The following ERMP1 variants were observed in gnomAD, a reference collection of about 807,000 sequenced individuals.
ERMP1 encodes Felix-ina.
ERMP1 carries 86 observed loss-of-function variants against 92.0 expected under a neutral mutation model. That is an observed-to-expected ratio of 0.93 (90% CI 0.79 to 1.12). The LOEUF (loss-of-function observed/expected upper bound fraction) is 1.12, where lower values mean the gene tolerates loss of function less well. ERMP1 is among the 50% of genes most tolerant of loss of function. The pLI is 0.00. For synonymous variants in ERMP1, 530 were observed against 412.8 expected (o/e 1.28, Z -3.44); for missense variants, 1,342 against 1,116.3 (o/e 1.20, Z -2.88).
chr9:5,787,397 T>G (rs1163788417), intron 14 of ERMP1, 33 bp downstream of exon 14: 6 of 1,608,422 alleles, frequency 3.7e-6, no homozygotes, highest in Admixed American at 1.7e-5. Flanking sequence ...GGGAACCTAA[T>G]CAATGAAACA....
Position 5,810,195 on chromosome 9 carries a change from CCAAGTCCACA to C in ERMP1, c.1354_1363del (p.Cys452AlafsTer4), listed in dbSNP as rs1829037658. 2 of 1,613,794 alleles carry C rather than the reference CCAAGTCCACA, an allele frequency of 1.2e-6. No homozygotes were observed. The highest frequency in any genetic ancestry group is 1.7e-6 in the Non-Finnish European group (2 of 1,179,970). ...AGTGAACCAGCTGATCAAAGTGATGCCAAGTCCACACAAGAAGTCCTTCTTGTAGTTACCA... is the reference window on the plus strand; with the variant it reads ...AGTGAACCAGCTGATCAAAGTGATGCCAAGAAGTCCTTCTTGTAGTTACCA... On this transcript the variant is annotated frameshift_variant, in exon 8 of 15. Transcript: ENST00000339450. LOFTEE classifies it high-confidence loss of function.
chr9:5,830,842 A>G lies in ERMP1; in HGVS notation c.525T>C (p.Gly175=). 1 of 1,613,044 alleles carries G rather than the reference A, an allele frequency of 6.2e-7. No homozygotes were observed. The highest frequency in any genetic ancestry group is 1.6e-4 in the Middle Eastern group (1 of 6,062). The change falls in exon 2 of 15, where the codon GGT becomes GGC. Residue 175 remains glycine (G), a synonymous_variant. Transcript: ENST00000339450. ...TGATGTTGTCATAATAGCTTGTAAA[A>G]CCTCCCAAGAAATCAATGCTAAAAG... ...TGSFSIDFLG[G]FTSYYDNITN... is the part of the protein sequence containing the mutation.
At position 5,810,198 on chromosome 9, in the gene ERMP1, A is replaced by G. The variant is rs777623107; in HGVS notation, c.1361T>C (p.Leu454Pro). The G allele has an allele frequency of 6.2e-7, 1 of 1,614,018 alleles. No homozygotes were observed. The highest frequency in any genetic ancestry group is 2.2e-5 in the East Asian group (1 of 44,880). Residue 454 changes from leucine (L) to proline (P), a missense_variant, in exon 8 of 15, where the codon CTT (leucine) becomes CCT (proline). Coordinates refer to ENST00000339450, the MANE Select transcript of ERMP1 (RefSeq NM_024896.3). ...GAACCAGCTGATCAAAGTGATGCCAAGTCCACACAAGAAGTCCTTCTTGTA... is the reference window on the plus strand; with the variant it reads ...GAACCAGCTGATCAAAGTGATGCCAGGTCCACACAAGAAGTCCTTCTTGTA... ...GNYKKDFLCG[L>P]GITLISWFTS...
At chr9:5,821,183 G>A (rs1304233835) in intron 4 of ERMP1, among the ~76,000 whole-genome samples, 1 of 152,152 alleles carries the variant, frequency 6.6e-6, no homozygotes, top group Admixed American at 6.5e-5. Context: ...TATTATTAAA[G>A]TGATCATATA....
chr9:5,867,053 G>A (rs1306617859), intron 5 of ERMP1, among the ~76,000 whole-genome samples: 2 of 152,144 alleles, frequency 1.3e-5, no homozygotes, highest in Non-Finnish European at 2.9e-5. Flanking sequence ...AAAATTACCT[G>A]AGCATGCTGG....
intron 4 of ERMP1, among the ~76,000 whole-genome samples, chr9:5,815,797 A>C (rs1829281704): frequency 6.6e-6 from 1 of 152,222 alleles, no homozygotes; most frequent in African/African-American, 2.4e-5. Flanking sequence ...ATGTAGTATC[A>C]TTAATAATGA....
intron 13 of ERMP1, among the ~76,000 whole-genome samples, chr9:5,793,975 AG>A (rs1424756029): frequency 6.6e-6 from 1 of 152,126 alleles, no homozygotes; most frequent in African/African-American, 2.4e-5. Flanking sequence ...CAACAGCAAC[AG>A]TATGCACATT....
chr9:5,830,977 T>C lies in ERMP1; in HGVS notation c.390A>G (p.Pro130=). 1 of 1,614,158 alleles carries C rather than the reference T, an allele frequency of 6.2e-7. No homozygotes were observed. The highest frequency in any genetic ancestry group is 8.5e-7 in the Non-Finnish European group (1 of 1,179,986). ...AGTGCACGGTCAGAATTTCATTTTC[T>C]GGACTTCCTGTAGTCCTGGGGCCAA... ...TSIGPRTTGS[P]ENEILTVHYL... is the part of the protein sequence containing the mutation. The change falls in exon 2 of 15, where the codon CCA becomes CCG. Residue 130 remains proline (P), a synonymous_variant. Coordinates refer to ENST00000339450, the MANE Select transcript of ERMP1 (RefSeq NM_024896.3).
At chr9:5,807,264 G>T (rs866850230) in intron 8 of ERMP1, among the ~76,000 whole-genome samples, 6 of 152,048 alleles carry the variant, frequency 3.9e-5, no homozygotes, top group Admixed American at 2.6e-4. Flanking sequence ...CATTTTAATA[G>T]TGGCCCCATT....
At chr9:5,793,140 G>A (rs1828273876) in intron 13 of ERMP1, among the ~76,000 whole-genome samples, 1 of 152,128 alleles carries the variant, frequency 6.6e-6, no homozygotes, top group Admixed American at 6.5e-5. Flanking sequence ...CAAGAGACTG[G>A]AAGGAGAAAT....
intron 13 of ERMP1, among the ~76,000 whole-genome samples, chr9:5,793,678 C>G (rs1403664366): frequency 2.0e-5 from 3 of 151,952 alleles, no homozygotes; most frequent in Non-Finnish European, 1.5e-5. Flanking sequence ...ACTTTTAAAG[C>G]AAGGAAAATT....
Position 5,805,009 on chromosome 9 carries a change from A to C in ERMP1, c.1914+18T>G, listed in dbSNP as rs1327314587. 1 of 1,578,658 alleles carries C rather than the reference A, an allele frequency of 6.3e-7. No individual in the cohort carries two copies. Among genetic ancestry groups the C allele is most frequent in the Non-Finnish European group, 8.6e-7 (1 of 1,165,676 alleles). ...ATATAAAAAATGAAGAAAAAGAAAA[A>C]AACTTATTTTCTCTTACAAAATAGG... On this transcript the variant is annotated intron_variant, in intron 10 of 14. Transcript: ENST00000339450.
upstream of ERMP1, among the ~76,000 whole-genome samples, chr9:5,834,977 ATGTGTGTGTGTGTG>A (rs71326191): frequency 3.9e-3 from 484 of 125,194 alleles, 9 homozygotes; most frequent in African/African-American, 0.013. Flanking sequence ...GGATAGATAG[ATGTGTGTGTGTGTG>A]TGTGTGTGTG....
chr9:5,806,784 T>C (rs1054553315), intron 8 of ERMP1, among the ~76,000 whole-genome samples: 1 of 152,088 alleles, frequency 6.6e-6, no homozygotes, highest in African/African-American at 2.4e-5. Context: ...AGTAATTCTA[T>C]TCACACAAAC....
At chr9:5,839,760 C>T (rs890098518) in intron 6 of ERMP1, among the ~76,000 whole-genome samples, 2 of 152,126 alleles carry the variant, frequency 1.3e-5, no homozygotes, top group Non-Finnish European at 2.9e-5. Flanking sequence ...CTAAAATAGC[C>T]TCTGCAGCTG....
chr9:5,856,123 T>A, intron 6 of ERMP1: 1 of 351,434 alleles, frequency 2.8e-6, no homozygotes, highest in Non-Finnish European at 5.6e-6. Context: ...AACAGATCAC[T>A]AAATCCACTT....
intron 13 of ERMP1, among the ~76,000 whole-genome samples, chr9:5,796,703 T>C (rs1450850885): frequency 6.6e-6 from 1 of 152,056 alleles, no homozygotes; most frequent in Non-Finnish European, 1.5e-5. Flanking sequence ...AAAAGACCAA[T>C]GGTTGCTAAG....
rs891836060 is a variant in ERMP1, at chr9:5,847,621, C to T, written n.3199+11847G>A. On this transcript the variant is annotated intron_variant and non_coding_transcript_variant, in intron 6 of 6. Transcript: ENST00000690753. ...ACAAAACAAAACAAAATCGGCCAGGCGCAGTGGCTCACACCTGTAATCCCG... is the reference window on the plus strand; with the variant it reads ...ACAAAACAAAACAAAATCGGCCAGGTGCAGTGGCTCACACCTGTAATCCCG... Among the ~76,000 whole-genome samples the T allele has an allele frequency of 3.3e-4, 50 of 152,004 alleles. 1 individual carries two copies. The highest frequency in any genetic ancestry group is 1.1e-3 in the African/African-American group (45 of 41,398).
In ERMP1 at chr9:5,787,365, A is replaced by G; in HGVS notation, c.2551-57T>C. 5 of 1,602,550 alleles carry G rather than the reference A, an allele frequency of 3.1e-6. 1 individual carries two copies. The South Asian group carries it at 5.6e-5, about 18-fold the overall frequency. ...CTCAGAAGCCAGAATACTGAACCCA[A>G]GGTTCTTGCTAAATACCACCTGGGA... is the stretch of plus-strand genomic sequence containing the variant. On this transcript the variant is annotated intron_variant, in intron 14 of 14. Transcript: ENST00000339450.
Sources: allele counts gnomAD v4.1 joint callset (sites outside exome capture counted in the v4.1 genomes callset), GRCh38; gene constraint gnomAD v4.1.1; transcripts MANE v1.5; gene names NCBI Gene and HGNC (gene_info 2026-07-23, HGNC 2026-07-21).